Variants in HHIPL1 observed in about 807,000 individuals in gnomAD.
The protein encoded by HHIPL1 is HHIP-like protein 1.
HHIPL1 carries 43 observed loss-of-function variants against 61.8 expected under a neutral mutation model. The observed-to-expected ratio is 0.70, with a 90% CI of 0.55 to 0.90. The LOEUF (loss-of-function observed/expected upper bound fraction) is 0.90. Among genes scored for constraint, HHIPL1 ranks in the 40% least tolerant of loss-of-function variants. HHIPL1 has a pLI of 0.00. For missense variants in HHIPL1, 1,056 were observed against 1,157.7 expected (o/e 0.91, Z 1.28); for synonymous variants, 482 against 515.8 (o/e 0.93, Z 0.89).
At chr14:99,635,008 A>G in the HHIPL1 span, among the ~76,000 whole-genome samples, 2 of 150,414 alleles carry the variant, frequency 1.3e-5, no homozygotes, top group African/African-American at 4.9e-5. Flanking sequence ...CCCAGTCACT[A>G]CCTCCCCTCC....
At chr14:99,673,074 AT>A (rs2056342748) in intron 8 of HHIPL1, among the ~76,000 whole-genome samples, 3 of 152,312 alleles carry the variant, frequency 2.0e-5, no homozygotes, top group African/African-American at 7.2e-5. Flanking sequence ...CTAGTTCAGA[AT>A]TTTAAAAACC....
At chr14:99,641,605 G>T (rs1256746732), upstream of HHIPL1, among the ~76,000 whole-genome samples, 1 of 151,136 alleles carries the variant, frequency 6.6e-6, no homozygotes, top group Admixed American at 6.6e-5. Flanking sequence ...GTAGAGCGGG[G>T]GTTTCACAAT....
rs751957573 is a variant in HHIPL1 at position 99,645,357 on chromosome 14, G to A, written c.150G>A (p.Glu50=). 6.9e-6 allele frequency: 10 copies of A among 1,448,640 alleles called. No individual in the cohort carries two copies. In the Admixed American group the frequency reaches 2.3e-4, roughly 34 times the overall value. The allele number at this position is 1,448,640 out of a possible 1,614,324, so 89.7% of individuals were successfully genotyped here. A position where few individuals can be genotyped will look rare whatever the true frequency, so the allele number is the denominator to read the frequency against. Residue 50 remains glutamate, a synonymous_variant, in exon 1 of 9, where the codon GAG becomes GAA. Transcript: ENST00000330710. ...ACTCGGACTTCGGCTGCTGCGATGA[G>A]GGGCGCGACGCCGAGCTGACCCGCC... The part of the protein sequence containing the change: ...AQYSDFGCCD[E]GRDAELTRRF...
At position 99,652,252 on chromosome 14, in the gene HHIPL1, A is replaced by AT; in HGVS notation, c.285dup (p.Asp96Ter). 1 of 1,609,864 alleles carries AT rather than the reference A, an allele frequency of 6.2e-7. No homozygotes were observed. Among genetic ancestry groups the AT allele is most frequent in the Non-Finnish European group, 8.5e-7 (1 of 1,177,510 alleles). On this transcript the variant is annotated frameshift_variant, in exon 2 of 9. Coordinates refer to ENST00000330710, the MANE Select transcript of HHIPL1 (RefSeq NM_001127258.3). LOFTEE classifies it high-confidence loss of function. Reference sequence around the variant, plus strand: ...TGCTCGCCGTATGCAGCCCACCTCTATGACGCCGAGGACCCATTCACGCCC... The same window carrying AT: ...TGCTCGCCGTATGCAGCCCACCTCTATTGACGCCGAGGACCCATTCACGCCC...
At chr14:99,621,709 CTTTTTTT>C in the HHIPL1 span, among the ~76,000 whole-genome samples, 24 of 84,524 alleles carry the variant, frequency 2.8e-4, no homozygotes, top group African/African-American at 8.3e-4. Context: ...CTTTTCTTTT[CTTTTTTT>C]TTTTTTTTTT....
chr14:99,664,843 CA>C (rs1193734252), intron 6 of HHIPL1, among the ~76,000 whole-genome samples: 1 of 151,884 alleles, frequency 6.6e-6, no homozygotes, highest in Non-Finnish European at 1.5e-5. Flanking sequence ...TGCATCCTGT[CA>C]CAATGACATG....
At chr14:99,633,245 C>T in the HHIPL1 span, among the ~76,000 whole-genome samples, 2 of 152,176 alleles carry the variant, frequency 1.3e-5, no homozygotes, top group Non-Finnish European at 2.9e-5. Flanking sequence ...ACCCTGCAGC[C>T]CAGAAGGTCA....
rs1251239712 is a variant in HHIPL1 at position 99,679,662 on chromosome 14, G to A, written c.*4036G>A. ...TCTCTGAGTCTCATTGCAAAATAGA[G>A]GTCACCAGAAGGATTACTGGATGAA... On this transcript the variant is annotated 3_prime_UTR_variant, in exon 9 of 9. Transcript: ENST00000330710. The A allele has an allele frequency of 6.6e-6, 1 of 152,268 alleles. No homozygotes were observed. Among genetic ancestry groups the A allele is most frequent in the Non-Finnish European group, 1.5e-5 (1 of 68,062 alleles). The allele number at this position is 152,268 out of a possible 1,614,324, so 9.4% of individuals were successfully genotyped here.
Position 99,659,571 on chromosome 14 carries a change from G to T in HHIPL1, c.1190G>T (p.Trp397Leu). 1 of 1,552,210 alleles carries T rather than the reference G, an allele frequency of 6.4e-7. No homozygotes were observed. Residue 397 changes from tryptophan to leucine, a missense_variant, in exon 4 of 9, where the codon TGG (tryptophan) becomes TTG (leucine). Physicochemically the swap from Trp to Leu is moderately conservative, Grantham distance 61. Coordinates refer to ENST00000330710, the MANE Select transcript of HHIPL1 (RefSeq NM_001127258.3). ...TACGCCCTGGGCGTGCGCAACATGT[G>T]GCGCTGCTCCTTCGACCGTGGCGAC... ...EVYALGVRNM[W>L]RCSFDRGDPS... is the part of the protein sequence containing the mutation.
chr14:99,658,137 CCT>C (rs779368042), intron 3 of HHIPL1, among the ~76,000 whole-genome samples: 29 of 152,158 alleles, frequency 1.9e-4, no homozygotes, highest in Non-Finnish European at 3.4e-4. Context: ...TGTGAGTTGT[CCT>C]TTCACGTGTG....
At chr14:99,663,692 ACCT>A (rs2056193198) in intron 6 of HHIPL1, among the ~76,000 whole-genome samples, 1 of 151,440 alleles carries the variant, frequency 6.6e-6, no homozygotes, top group Non-Finnish European at 1.5e-5. Context: ...GGCATCTGAC[ACCT>A]CCTCATGCGT....
chr14:99,661,473 A>ATT (rs112834878), intron 5 of HHIPL1, among the ~76,000 whole-genome samples: 2 of 89,442 alleles, frequency 2.2e-5, no homozygotes, highest in African/African-American at 8.4e-5. Context: ...ATATATGGTG[A>ATT]TTTTTTTTTT....
chr14:99,620,867 C>A, the HHIPL1 span, among the ~76,000 whole-genome samples: 2 of 152,150 alleles, frequency 1.3e-5, no homozygotes, highest in African/African-American at 4.8e-5. Context: ...AGGAGTCAGA[C>A]CTGGAGGCCG....
intron 1 of HHIPL1, among the ~76,000 whole-genome samples, chr14:99,646,867 A>AATATG (rs58760844): frequency 0.085 from 7,778 of 91,342 alleles, 307 homozygotes; most frequent in South Asian, 0.18. Flanking sequence ...AATATGATAT[A>AATATG]ATATGATACA....
the HHIPL1 span, among the ~76,000 whole-genome samples, chr14:99,636,777 C>T: frequency 4.0e-5 from 6 of 151,436 alleles, no homozygotes; most frequent in Non-Finnish European, 8.8e-5. Flanking sequence ...TGCTTGAGCC[C>T]AGGAGTTTGA....
At chr14:99,626,682 C>A in the HHIPL1 span, among the ~76,000 whole-genome samples, 1 of 152,220 alleles carries the variant, frequency 6.6e-6, no homozygotes, top group Non-Finnish European at 1.5e-5. Flanking sequence ...ATTCTAGGTC[C>A]TGGGGATCTG....
the HHIPL1 span, among the ~76,000 whole-genome samples, chr14:99,637,248 GAAAGAAAGAAAGAAA>G: frequency 2.6e-4 from 38 of 146,746 alleles, no homozygotes; most frequent in African/African-American, 9.8e-4. Context: ...AAGAAAGAAA[GAAAGAAAGAAAGAAA>G]GAAAAAGTGT....
rs149597011 is a variant in HHIPL1, at chr14:99,665,561, A to G, written c.1648+2540A>G. On this transcript the variant is annotated intron_variant, in intron 6 of 8. Coordinates refer to ENST00000330710, the MANE Select transcript of HHIPL1 (RefSeq NM_001127258.3). The stretch of plus-strand genomic sequence containing the variant: ...GCAATCCTTCTGCCTCAGCCTCCCA[A>G]GTAGCTGGGACTTCAGGCACATGCA... Among the ~76,000 whole-genome samples the G allele has an allele frequency of 2.0e-5, 3 of 152,232 alleles. No homozygotes were observed. In the East Asian group the frequency reaches 5.8e-4, roughly 29 times the overall value.
At position 99,678,782 on chromosome 14, in the gene HHIPL1, G is replaced by T. The variant is rs757141045; in HGVS notation, c.*3156G>T. 4 of 152,238 alleles carry T rather than the reference G, an allele frequency of 2.6e-5. No homozygotes were observed. The highest frequency in any genetic ancestry group is 5.9e-5 in the Non-Finnish European group (4 of 68,046). The allele number at this position is 152,238 out of a possible 1,614,324, so 9.4% of individuals were successfully genotyped here. On this transcript the variant is annotated 3_prime_UTR_variant, in exon 9 of 9. Transcript: ENST00000330710. ...GAACGTACTATGTGCCTGTGAGCACGTCTAACAGTTACATAGAATAGGGCT... is the reference window on the plus strand; with the variant it reads ...GAACGTACTATGTGCCTGTGAGCACTTCTAACAGTTACATAGAATAGGGCT...
Sources: allele counts gnomAD v4.1 joint callset (sites outside exome capture counted in the v4.1 genomes callset), GRCh38; gene constraint gnomAD v4.1.1; transcripts MANE v1.5; gene names NCBI Gene and HGNC (gene_info 2026-07-23, HGNC 2026-07-21).